The following MBD5 variants were observed in gnomAD, a reference collection of about 807,000 sequenced individuals.
MBD5 encodes the protein methyl-CpG binding domain protein 5.
In MBD5, 13 loss-of-function variants were observed where a neutral mutation model predicts 117.3. The ratio of observed to expected loss-of-function variants is 0.11; its 90% CI spans 0.07 to 0.18. MBD5 has a LOEUF of 0.18. Ranked by LOEUF, MBD5 falls within the 10% of genes least tolerant of loss-of-function variation. The pLI is 1.00. For synonymous variants in MBD5, 727 were observed against 766.4 expected, an observed-to-expected ratio of 0.95 and a Z score of 0.85; for missense variants, 1,879 against 2,093.8, an observed-to-expected ratio of 0.90 and a Z score of 2.00.
intron 1 of MBD5, among the ~76,000 whole-genome samples, chr2:148,059,658 T>A (rs1344542656): frequency 2.6e-5 from 4 of 151,458 alleles, no homozygotes; most frequent in African/African-American, 9.7e-5. Context: ...CCATCCTGGC[T>A]AACACGGAGA....
rs139442741 is a variant in MBD5, at chr2:148,272,505, G to A, written c.-680+39110G>A. On this transcript the variant is annotated intron_variant, in intron 3 of 13. Transcript: ENST00000642680. ...CAAGTGTGTAGTGATACTTCATTGC[G>A]GCTTTAATTTTCATTTCCTCGATGA... Among the ~76,000 whole-genome samples the A allele has an allele frequency of 2.0e-3, 302 of 151,956 alleles. 1 individual carries two copies. Among genetic ancestry groups the A allele is most frequent in the African/African-American group, 6.8e-3 (282 of 41,438 alleles).
At chr2:148,206,356 A>T (rs1050457767) in intron 2 of MBD5, among the ~76,000 whole-genome samples, 1 of 152,206 alleles carries the variant, frequency 6.6e-6, no homozygotes, top group African/African-American at 2.4e-5. Context: ...AAACATAATT[A>T]TACACATTTA....
intron 4 of MBD5, among the ~76,000 whole-genome samples, chr2:148,445,296 C>A (rs1706457972): frequency 1.3e-5 from 2 of 150,972 alleles, no homozygotes; most frequent in African/African-American, 5.0e-5. Context: ...CTCCCCCCAC[C>A]CCATGACAGG....
chr2:148,262,802 G>A (rs1490439302), intron 3 of MBD5, among the ~76,000 whole-genome samples: 1 of 152,204 alleles, frequency 6.6e-6, no homozygotes, highest in Non-Finnish European at 1.5e-5. Flanking sequence ...AACCCATACA[G>A]TTAAGTAACA....
chr2:148,385,996 A>T, intron 4 of MBD5, among the ~76,000 whole-genome samples: 1 of 149,786 alleles, frequency 6.7e-6, no homozygotes, highest in Non-Finnish European at 1.5e-5. Flanking sequence ...GCATTAGGAG[A>T]TATACCTAAT....
chr2:148,152,855 C>A (rs1047910270), intron 1 of MBD5, among the ~76,000 whole-genome samples: 1 of 151,870 alleles, frequency 6.6e-6, no homozygotes, highest in African/African-American at 2.4e-5. Flanking sequence ...GATGGGTTTA[C>A]TGAATACAGC....
At position 148,441,724 on chromosome 2, in the gene MBD5, A is replaced by G. The variant is rs1160131048; in HGVS notation, c.-556-16479A>G. 2.6e-5 allele frequency among the ~76,000 whole-genome samples: 4 copies of G among 151,874 alleles called. No individual in the cohort carries two copies. In the South Asian group the frequency reaches 6.2e-4, roughly 24 times the overall value. ...TGAACTAGTTTACAGTCCCACCAAC[A>G]GTGTAAAAGTGTTCCTATTTCTCCA... On this transcript the variant is annotated intron_variant, in intron 4 of 13. Transcript: ENST00000642680.
intron 4 of MBD5, among the ~76,000 whole-genome samples, chr2:148,438,577 CAG>C (rs1182994368): frequency 6.6e-6 from 1 of 152,090 alleles, no homozygotes; most frequent in Non-Finnish European, 1.5e-5. Flanking sequence ...CTATATTAGA[CAG>C]AGTTTTCCAG....
At chr2:148,230,221 C>T (rs772906757) in intron 2 of MBD5, among the ~76,000 whole-genome samples, 19 of 152,192 alleles carry the variant, frequency 1.2e-4, no homozygotes, top group Admixed American at 4.6e-4. Context: ...AGAAGTCTAC[C>T]TGGTGTTCTA....
chr2:148,343,062 A>T lies in MBD5; in HGVS notation c.-557+726A>T, dbSNP rs2924433. 5.0e-3 allele frequency among the ~76,000 whole-genome samples: 763 copies of T among 152,174 alleles called. 9 individuals carry two copies. The highest frequency in any genetic ancestry group is 0.018 in the African/African-American group (737 of 41,546). Reference sequence around the variant, plus strand: ...CTGTTCCTGTGTTAATTATCTTAGGATAATGGCCTCCAGCTACATCATGTT... The same window carrying T: ...CTGTTCCTGTGTTAATTATCTTAGGTTAATGGCCTCCAGCTACATCATGTT... On this transcript the variant is annotated intron_variant, in intron 4 of 13. Coordinates refer to ENST00000642680, the MANE Select transcript of MBD5 (RefSeq NM_001378120.1).
chr2:148,308,424 CT>C (rs1701946255), intron 3 of MBD5, among the ~76,000 whole-genome samples: 1 of 148,764 alleles, frequency 6.7e-6, no homozygotes, highest in African/African-American at 2.5e-5. Context: ...GTTTGTTGAC[CT>C]CATAAATGTC....
chr2:148,091,421 T>G (rs1037478186), intron 1 of MBD5, among the ~76,000 whole-genome samples: 1 of 152,126 alleles, frequency 6.6e-6, no homozygotes, highest in Non-Finnish European at 1.5e-5. Context: ...TACAAGGCTA[T>G]AGTTACCAAA....
At chr2:148,306,955 A>G (rs995846887) in intron 3 of MBD5, among the ~76,000 whole-genome samples, 1 of 152,188 alleles carries the variant, frequency 6.6e-6, no homozygotes. Context: ...ATTTTATTTG[A>G]CAGTGCTTCC....
chr2:148,061,589 G>A (rs951251337), intron 1 of MBD5, among the ~76,000 whole-genome samples: 1 of 151,694 alleles, frequency 6.6e-6, no homozygotes, highest in African/African-American at 2.4e-5. Flanking sequence ...TTAATGTTGG[G>A]CCTTAGGTTG....
At chr2:148,201,733 T>G (rs1047358583) in intron 2 of MBD5, among the ~76,000 whole-genome samples, 2 of 152,134 alleles carry the variant, frequency 1.3e-5, no homozygotes, top group Non-Finnish European at 2.9e-5. Flanking sequence ...GGAGAGGGGA[T>G]GCAAGAGTGG....
chr2:148,072,689 G>T (rs1363711851), intron 1 of MBD5, among the ~76,000 whole-genome samples: 7 of 152,128 alleles, frequency 4.6e-5, no homozygotes, highest in Admixed American at 2.6e-4. Flanking sequence ...CTGATAATGA[G>T]ATCCTTAGTT....
chr2:148,304,850 C>T (rs555824125), intron 3 of MBD5, among the ~76,000 whole-genome samples: 10 of 152,078 alleles, frequency 6.6e-5, no homozygotes, highest in South Asian at 4.1e-4. Flanking sequence ...ATCACTAGGT[C>T]AGGATATCGA....
intron 1 of MBD5, among the ~76,000 whole-genome samples, chr2:148,093,954 T>C (rs2105251071): frequency 6.6e-6 from 1 of 152,352 alleles, no homozygotes; most frequent in South Asian, 2.1e-4. Flanking sequence ...TATTGTGTAT[T>C]TGTTATCATA....
At chr2:148,353,027 A>T (rs1433750174) in intron 4 of MBD5, among the ~76,000 whole-genome samples, 1 of 152,116 alleles carries the variant, frequency 6.6e-6, no homozygotes, top group Admixed American at 6.6e-5. Context: ...TACTATTCAC[A>T]ATTTAGTACA....
Sources: allele counts gnomAD v4.1 joint callset (sites outside exome capture counted in the v4.1 genomes callset), GRCh38; gene constraint gnomAD v4.1.1; transcripts MANE v1.5; gene names NCBI Gene and HGNC (gene_info 2026-07-23, HGNC 2026-07-21).